Variants in EGFL6 observed in about 807,000 individuals in gnomAD.
EGFL6 encodes the protein epidermal growth factor-like protein 6.
In EGFL6, 42 loss-of-function variants were observed where a neutral mutation model predicts 43.1. That is an observed-to-expected ratio of 0.98 (90% confidence interval 0.76 to 1.26). The LOEUF (loss-of-function observed/expected upper bound fraction) is 1.26. EGFL6 is among the 50% of genes most tolerant of loss of function. The pLI is 0.00. For synonymous variants in EGFL6, 164 were observed against 163.2 expected, an observed-to-expected ratio of 1.01 and a Z score of -0.04; for missense variants, 429 against 427.8, an observed-to-expected ratio of 1.00 and a Z score of -0.02.
chrX:13,601,399 T>C lies in EGFL6; in HGVS notation c.400+1305T>C, dbSNP rs5978651. 6.5e-3 allele frequency among the ~76,000 whole-genome samples: 726 copies of C among 111,765 alleles called. 3 individuals carry two copies. The highest frequency in any genetic ancestry group is 0.015 in the African/African-American group (465 of 30,751). ...ATTGAGAGGGAAGGCTTTTCAGGTT[T>C]TATGTTCCAGTTGAAAGGGAAACCC... On this transcript the variant is annotated intron_variant, in intron 4 of 11. Transcript: ENST00000361306.
In EGFL6 at chrX:13,589,583, G is replaced by C. The variant is rs2045552201; in HGVS notation, c.102G>C (p.Ser34=). Residue 34 remains serine (S), a synonymous_variant, in exon 2 of 12, where the codon TCG becomes TCC. Coordinates refer to ENST00000361306, the MANE Select transcript of EGFL6 (RefSeq NM_015507.4). ...CAAGGCATCACGGGTTGTTAGCATC[G>C]GCACGTCAGCCTGGGGTCTGTCACT... ...ASARHHGLLA[S]ARQPGVCHYG... The C allele has an allele frequency of 1.7e-6, 2 of 1,208,418 alleles. No homozygotes were observed. Among genetic ancestry groups the C allele is most frequent in the Admixed American group, 2.2e-5 (1 of 45,623 alleles).
At chrX:13,578,024 A>G (rs1433813518) in intron 1 of EGFL6, among the ~76,000 whole-genome samples, 1 of 112,727 alleles carries the variant, frequency 8.9e-6, no homozygotes, top group Admixed American at 9.3e-5. Flanking sequence ...TAATGTACAT[A>G]GTAATAGAAT....
In EGFL6 at chrX:13,575,444, C is replaced by G. The variant is rs190513681; in HGVS notation, c.74+5509C>G. ...GGAGATTAGGACACAGACACACACA[C>G]AGGAAAGACCATGTATGGACACAAA... On this transcript the variant is annotated intron_variant, in intron 1 of 11. Coordinates refer to ENST00000361306, the MANE Select transcript of EGFL6 (RefSeq NM_015507.4). Among the ~76,000 whole-genome samples the G allele has an allele frequency of 2.8e-4, 31 of 111,653 alleles. No homozygotes were observed. In the East Asian group the frequency reaches 6.2e-3, roughly 22 times the overall value.
At chrX:13,606,074 C>A (rs1426539573) in intron 5 of EGFL6, among the ~76,000 whole-genome samples, 1 of 111,865 alleles carries the variant, frequency 8.9e-6, no homozygotes, top group Non-Finnish European at 1.9e-5. Context: ...TGTATAGGTA[C>A]CAAGTGTCAG....
At chrX:13,593,729 A>G (rs1415045528) in intron 2 of EGFL6, among the ~76,000 whole-genome samples, 1 of 112,004 alleles carries the variant, frequency 8.9e-6, no homozygotes, top group Non-Finnish European at 1.9e-5. Flanking sequence ...AGAAACAGGG[A>G]TAGGATGTTG....
rs770945245 is a variant in EGFL6, at chrX:13,616,515, C to T, written c.779-1215C>T. ...ATCCCAGATACTGGGGAGGCTGACG[C>T]AGGAGAATCACTGCAACCCAGGAGG... On this transcript the variant is annotated intron_variant, in intron 7 of 11. Coordinates refer to ENST00000361306, the MANE Select transcript of EGFL6 (RefSeq NM_015507.4). Among the ~76,000 whole-genome samples the T allele has an allele frequency of 3.7e-5, 4 of 109,517 alleles. No individual in the cohort carries two copies. The South Asian group carries it at 1.6e-3, about 43-fold the overall frequency.
At position 13,603,339 on chromosome X, in the gene EGFL6, A is replaced by G. The variant is rs184301664; in HGVS notation, c.423A>G (p.Ile141Met). 1.2e-5 allele frequency: 14 copies of G among 1,208,064 alleles called. No homozygotes were observed. The highest frequency in any genetic ancestry group is 1.6e-5 in the Non-Finnish European group (14 of 894,227). The change falls in exon 5 of 12, where the codon ATA (isoleucine) becomes ATG (methionine). Residue 141 changes from isoleucine (I) to methionine (M), a missense_variant. Coordinates refer to ENST00000361306, the MANE Select transcript of EGFL6 (RefSeq NM_015507.4). ...TCVNSRTCAM[I>M]NCQYSCEDTE... is the part of the protein sequence containing the mutation. ...CAGACTCTAGGACATGTGCCATGAT[A>G]AACTGTCAGTACAGCTGTGAAGACA...
Position 13,627,103 on chromosome X carries a change from A to C in EGFL6, c.1378A>C (p.Ser460Arg). 1.1e-5 allele frequency: 13 copies of C among 1,212,251 alleles called. No homozygotes were observed. Among genetic ancestry groups the C allele is most frequent in the Non-Finnish European group, 1.5e-5 (13 of 895,656 alleles). Reference protein sequence around the residue: ...KLLLPDLQPQSNFCLLFDYRL... With the variant: ...KLLLPDLQPQRNFCLLFDYRL... ...TCTCCTACCTGACCTGCAACCCCAAAGCAACTTCTGTTTGCTCTTTGATTA... is the reference window on the plus strand; with the variant it reads ...TCTCCTACCTGACCTGCAACCCCAACGCAACTTCTGTTTGCTCTTTGATTA... Residue 460 changes from serine to arginine, a missense_variant, in exon 11 of 12, where the codon AGC becomes CGC. Physicochemically the swap from Ser to Arg is moderately radical, Grantham distance 110. Coordinates refer to ENST00000361306, the MANE Select transcript of EGFL6 (RefSeq NM_015507.4).
At chrX:13,583,778 C>T (rs768766846) in intron 1 of EGFL6, among the ~76,000 whole-genome samples, 8 of 111,741 alleles carry the variant, frequency 7.2e-5, no homozygotes, top group Non-Finnish European at 1.1e-4. Context: ...GGATGTGCCT[C>T]GCAGACATCC....
At chrX:13,625,408 C>G (rs2045773019) in intron 10 of EGFL6, among the ~76,000 whole-genome samples, 1 of 111,072 alleles carries the variant, frequency 9.0e-6, no homozygotes, top group Non-Finnish European at 1.9e-5. Context: ...TGCGGTGGCT[C>G]ATGTATGTAA....
chrX:13,584,110 C>T (rs2045522128), intron 1 of EGFL6, among the ~76,000 whole-genome samples: 1 of 111,963 alleles, frequency 8.9e-6, no homozygotes, highest in South Asian at 3.8e-4. Context: ...CTGTTGTTTT[C>T]CCTGTTTTAG....
intron 1 of EGFL6, among the ~76,000 whole-genome samples, chrX:13,578,560 A>G (rs1234087314): frequency 1.8e-5 from 2 of 109,829 alleles, no homozygotes; most frequent in African/African-American, 6.6e-5. Context: ...CTGGATTAAG[A>G]AAATGTGGCA....
At chrX:13,613,531 C>T (rs1054617426) in intron 7 of EGFL6, among the ~76,000 whole-genome samples, 1 of 111,408 alleles carries the variant, frequency 9.0e-6, no homozygotes, top group East Asian at 2.8e-4. Flanking sequence ...TAGCTTGATT[C>T]CTGACTTGCT....
At chrX:13,613,905 T>G in intron 7 of EGFL6, among the ~76,000 whole-genome samples, 1 of 111,957 alleles carries the variant, frequency 8.9e-6, no homozygotes, top group Admixed American at 9.4e-5. Context: ...ATCCCCATTT[T>G]TTTTCTTCAA....
intron 11 of EGFL6, among the ~76,000 whole-genome samples, chrX:13,631,833 C>T (rs1366642974): frequency 9.0e-6 from 1 of 111,278 alleles, no homozygotes; most frequent in Non-Finnish European, 1.9e-5. Flanking sequence ...AATCTTCATT[C>T]AGCAAATATT....
chrX:13,605,300 T>C (rs1487580697), intron 5 of EGFL6, among the ~76,000 whole-genome samples: 1 of 111,423 alleles, frequency 9.0e-6, no homozygotes, highest in Non-Finnish European at 1.9e-5. Flanking sequence ...TAGCCGGGCA[T>C]GGTGATGTGC....
In EGFL6 at chrX:13,633,023, C is replaced by T. The variant is rs770623111; in HGVS notation, c.1590C>T (p.Gly530=). 52 of 1,205,545 alleles carry T rather than the reference C, an allele frequency of 4.3e-5. No individual in the cohort carries two copies. The highest frequency in any genetic ancestry group is 8.8e-5 in the African/African-American group (5 of 56,867). The change falls in exon 12 of 12, where the codon GGC becomes GGT. Residue 530 remains glycine (G), a synonymous_variant. Coordinates refer to ENST00000361306, the MANE Select transcript of EGFL6 (RefSeq NM_015507.4). ...CAGAACGTGGCAAGGGCAAAACCGG[C>T]GAAATCGCAGTGGATGGCGTCTTGC... The part of the protein sequence containing the change: ...FEAERGKGKT[G]EIAVDGVLLV...
At chrX:13,617,463 A>G (rs878981704) in intron 7 of EGFL6, among the ~76,000 whole-genome samples, 1 of 112,542 alleles carries the variant, frequency 8.9e-6, no homozygotes, top group Admixed American at 9.4e-5. Context: ...CTGTAGCCCA[A>G]CTGGGTAGTA....
intron 3 of EGFL6, among the ~76,000 whole-genome samples, chrX:13,597,715 T>C (rs1447347075): frequency 9.1e-6 from 1 of 110,050 alleles, no homozygotes; most frequent in Non-Finnish European, 1.9e-5. Flanking sequence ...ACCTGGGAGG[T>C]GGAGGTTGCA....
Sources: allele counts gnomAD v4.1 joint callset (sites outside exome capture counted in the v4.1 genomes callset), GRCh38; gene constraint gnomAD v4.1.1; transcripts MANE v1.5; gene names NCBI Gene and HGNC (gene_info 2026-07-23, HGNC 2026-07-21).